Variants in ZNF385C observed in about 807,000 individuals in gnomAD.
ZNF385C encodes the protein CTD-2132N18.2.
ZNF385C carries 28 observed loss-of-function variants against 35.4 expected under a neutral mutation model. That is an observed-to-expected ratio of 0.79 (90% CI 0.59 to 1.08). The LOEUF is 1.08. Among genes scored for constraint, ZNF385C ranks in the 50% least tolerant of loss-of-function variants. The pLI is 0.00. For synonymous variants in ZNF385C, 248 were observed against 248.2 expected (o/e 1.00, Z 0.01); for missense variants, 605 against 595.6 (o/e 1.02, Z -0.16).
intron 7 of ZNF385C, 68 bp from the exon 8 acceptor site, chr17:42,027,796 G>A (rs1294486959): frequency 3.0e-5 from 45 of 1,493,962 alleles, no homozygotes; most frequent in Non-Finnish European, 3.6e-5. Context: ...CATCATCCTC[G>A]ACTCTTCCCC....
intron 1 of ZNF385C, among the ~76,000 whole-genome samples, chr17:42,085,688 T>G (rs901158337): frequency 3.3e-5 from 5 of 149,340 alleles, no homozygotes; most frequent in African/African-American, 4.9e-5. Context: ...ACCTCTGCCC[T>G]CTGAGTTCAA....
At chr17:42,043,147 A>C (rs2053066797) in intron 2 of ZNF385C, 3 of 1,232,094 alleles carry the variant, frequency 2.4e-6, no homozygotes, top group Non-Finnish European at 3.0e-6. Context: ...CACGTGGCGC[A>C]GCAGGGCGTG....
chr17:42,089,948 G>T (rs545732821), intron 1 of ZNF385C, among the ~76,000 whole-genome samples: 2 of 152,230 alleles, frequency 1.3e-5, no homozygotes, highest in African/African-American at 4.8e-5. Context: ...TTCAGGGTTA[G>T]TATGTTTTGG....
chr17:42,037,841 G>A lies in ZNF385C; in HGVS notation c.295C>T (p.Pro99Ser). Residue 99 changes from proline to serine, a missense_variant, in exon 3 of 9, where the codon CCC (proline) becomes TCC (serine). Transcript: ENST00000692273. Reference sequence around the variant, plus strand: ...GGCTGCAGAGGCCGGGTGGGCAGGGGCAGGGAGGCCAGCAGGGGGCTGGGG... The same window carrying A: ...GGCTGCAGAGGCCGGGTGGGCAGGGACAGGGAGGCCAGCAGGGGGCTGGGG... The part of the protein sequence containing the change: ...GAPSPLLASL[P>S]LPTRPLQPPL... 6.6e-7 allele frequency: 1 copy of A among 1,518,374 alleles called. No homozygotes were observed. The highest frequency in any genetic ancestry group is 8.8e-7 in the Non-Finnish European group (1 of 1,131,410). The allele number at this position is 1,518,374 out of a possible 1,614,324, so 94.1% of individuals were successfully genotyped here.
At chr17:42,073,755 G>A (rs1207851308) in intron 1 of ZNF385C, among the ~76,000 whole-genome samples, 2 of 152,338 alleles carry the variant, frequency 1.3e-5, no homozygotes, top group Non-Finnish European at 2.9e-5. Flanking sequence ...GCAATAACAG[G>A]GCAAGAGAGC....
chr17:42,094,775 G>T (rs1468524575), intron 1 of ZNF385C, among the ~76,000 whole-genome samples: 1 of 152,210 alleles, frequency 6.6e-6, no homozygotes, highest in Non-Finnish European at 1.5e-5. Flanking sequence ...CCCACTGGGG[G>T]TGGCCTCACC....
intron 2 of ZNF385C, chr17:42,043,160 G>A (rs952057228): frequency 1.1e-4 from 134 of 1,232,098 alleles, no homozygotes; most frequent in Middle Eastern, 3.1e-4. Flanking sequence ...AGGGCGTGGC[G>A]CTGGAAGTTG....
rs577802737 is a variant in ZNF385C, at chr17:42,068,106, C to T, written c.-2-5048G>A. On this transcript the variant is annotated intron_variant, in intron 1 of 8. Transcript: ENST00000692273. Reference sequence around the variant, plus strand: ...CCTGACCCAGCCTTCCCAGCTGTTCCCTTAGGAGCCACACTGCCCCAGCTA... The same window carrying T: ...CCTGACCCAGCCTTCCCAGCTGTTCTCTTAGGAGCCACACTGCCCCAGCTA... Among the ~76,000 whole-genome samples, 355 of 152,246 alleles carry T rather than the reference C, an allele frequency of 2.3e-3. 1 individual carries two copies. Among genetic ancestry groups the T allele is most frequent in the African/African-American group, 8.2e-3 (340 of 41,542 alleles).
chr17:42,084,764 C>T (rs1056855468), intron 1 of ZNF385C, among the ~76,000 whole-genome samples: 3 of 151,996 alleles, frequency 2.0e-5, no homozygotes, highest in Non-Finnish European at 4.4e-5. Flanking sequence ...GCATACACCA[C>T]CATGCCCAGC....
At chr17:42,088,374 G>A (rs1266599926) in intron 1 of ZNF385C, among the ~76,000 whole-genome samples, 1 of 152,262 alleles carries the variant, frequency 6.6e-6, no homozygotes, top group African/African-American at 2.4e-5. Flanking sequence ...GCCTGGCCCG[G>A]GTGGGCGCAG....
chr17:42,062,892 C>T lies in ZNF385C; in HGVS notation c.165G>A (p.Ala55=), dbSNP rs372859825. Residue 55 remains alanine (A), a synonymous_variant, in exon 2 of 9, where the codon GCG becomes GCA. Coordinates refer to ENST00000692273, the MANE Select transcript of ZNF385C (RefSeq NM_001392013.1). The part of the protein sequence containing the change: ...CDVCNIQLNS[A]AQAQVHCGGR... ...CCCCACAGTGCACCTGGGCCTGGGC[C>T]GCCGAGTTCAGCTGGATGTTGCAGA... 2.1e-5 allele frequency: 14 copies of T among 679,972 alleles called. No individual in the cohort carries two copies. Among genetic ancestry groups the T allele is most frequent in the Admixed American group, 4.3e-5 (2 of 46,800 alleles). The allele number at this position is 679,972 out of a possible 1,614,324, so 42.1% of individuals were successfully genotyped here.
intron 1 of ZNF385C, among the ~76,000 whole-genome samples, chr17:42,091,744 A>G (rs1368709180): frequency 6.6e-6 from 1 of 152,192 alleles, no homozygotes; most frequent in African/African-American, 2.4e-5. Context: ...GAGGGTTGAA[A>G]CCATCTCTAA....
intron 6 of ZNF385C, 155 bp downstream of exon 6, chr17:42,028,628 G>T: frequency 2.1e-6 from 2 of 943,832 alleles, no homozygotes; most frequent in Non-Finnish European, 3.1e-6. Flanking sequence ...AGTAATGGGA[G>T]GACCCAGAAA....
In ZNF385C at chr17:42,027,678, C is replaced by T. The variant is rs573411707; in HGVS notation, c.1215G>A (p.Lys405=). The T allele has an allele frequency of 1.2e-6, 2 of 1,610,942 alleles. No individual in the cohort carries two copies. Among genetic ancestry groups the T allele is most frequent in the Admixed American group, 1.7e-5 (1 of 59,426 alleles). ...GCAGCTTGCTGTGCTGGCTGGAGGG[C>T]TTGGGGGTCTTCCCGGCCAGGCGGT... ...HKDRLAGKTP[K]PSSQHSKLQK... is the part of the protein sequence containing the mutation. The change falls in exon 8 of 9, where the codon AAG becomes AAA. Residue 405 remains lysine (K), a synonymous_variant. Transcript: ENST00000692273.
intron 8 of ZNF385C, 24 bp downstream of exon 8, chr17:42,027,594 G>C: frequency 3.3e-6 from 2 of 602,626 alleles, no homozygotes; most frequent in Non-Finnish European, 5.2e-6. Flanking sequence ...CCCAGTCCCA[G>C]CTCTGTTGCC....
At chr17:42,054,555 G>A (rs1416160749) in intron 2 of ZNF385C, among the ~76,000 whole-genome samples, 3 of 151,616 alleles carry the variant, frequency 2.0e-5, no homozygotes, top group Admixed American at 6.6e-5. Flanking sequence ...AAGGAGAGGA[G>A]GGAGTTTATC....
chr17:42,072,924 C>T (rs2053645461), intron 1 of ZNF385C, among the ~76,000 whole-genome samples: 1 of 152,144 alleles, frequency 6.6e-6, no homozygotes, highest in African/African-American at 2.4e-5. Flanking sequence ...GAAGGGGACC[C>T]CAAACTGGCT....
At chr17:42,089,923 C>A (rs1369644680) in intron 1 of ZNF385C, among the ~76,000 whole-genome samples, 6 of 152,216 alleles carry the variant, frequency 3.9e-5, no homozygotes, top group African/African-American at 7.2e-5. Context: ...CTGGAGAACA[C>A]CTTCTTAAAA....
At chr17:42,069,938 A>T (rs1171943291) in intron 1 of ZNF385C, among the ~76,000 whole-genome samples, 2 of 152,212 alleles carry the variant, frequency 1.3e-5, no homozygotes, top group Admixed American at 6.5e-5. Flanking sequence ...ACTACTCGGG[A>T]GGCTGAGGCA....
Sources: gnomAD v4.1 joint callset for allele counts (sites outside exome capture counted in the v4.1 genomes callset) on GRCh38, gnomAD v4.1.1 for gene constraint, MANE v1.5 for transcripts, NCBI Gene and HGNC (gene_info 2026-07-23, HGNC 2026-07-21) for gene names.